Variants in GALNT7 observed in about 807,000 individuals in gnomAD.
The protein encoded by GALNT7 is N-acetylgalactosaminyltransferase 7.
GALNT7 carries 60 observed loss-of-function variants against 82.1 expected under a neutral mutation model. The observed-to-expected ratio is 0.73, with a 90% CI of 0.59 to 0.91. The LOEUF is 0.91. GALNT7 is among the 40% of genes least tolerant of loss of function. The pLI is 0.00. For synonymous variants in GALNT7, 243 were observed against 275.1 expected, an observed-to-expected ratio of 0.88 and a Z score of 1.15; for missense variants, 660 against 804.2, an observed-to-expected ratio of 0.82 and a Z score of 2.17.
chr4:173,194,361 G>A (rs1275437864), intron 1 of GALNT7, among the ~76,000 whole-genome samples: 1 of 152,174 alleles, frequency 6.6e-6, no homozygotes, highest in African/African-American at 2.4e-5. Context: ...ATTCTGTCTT[G>A]TTGCCCTAGG....
At chr4:173,243,647 C>T (rs954147834) in intron 1 of GALNT7, among the ~76,000 whole-genome samples, 2 of 152,130 alleles carry the variant, frequency 1.3e-5, no homozygotes, top group African/African-American at 4.8e-5. Flanking sequence ...TCTTAGTTGA[C>T]TTGGGGTTAG....
rs1025957548 is a variant in GALNT7, at chr4:173,323,138, A to C, written c.*1421A>C. 1.3e-5 allele frequency: 2 copies of C among 152,584 alleles called. No individual in the cohort carries two copies. The highest frequency in any genetic ancestry group is 4.8e-5 in the African/African-American group (2 of 41,538). The allele number at this position is 152,584 out of a possible 1,614,324, so 9.5% of individuals were successfully genotyped here. ...CTACATTGAGTGCTTAAAAAAAAAA[A>C]AACAACTGTGATGATGTGAGCAGAA... On this transcript the variant is annotated 3_prime_UTR_variant, in exon 12 of 12. Transcript: ENST00000265000.
chr4:173,169,078 G>A lies in GALNT7; in HGVS notation c.126+117G>A. 4 of 948,438 alleles carry A rather than the reference G, an allele frequency of 4.2e-6. No homozygotes were observed. The South Asian group carries it at 5.9e-5, about 14-fold the overall frequency. The allele number at this position is 948,438 out of a possible 1,614,324, so 58.8% of individuals were successfully genotyped here. On this transcript the variant is annotated intron_variant, in intron 1 of 11. Transcript: ENST00000265000. ...GGCACGGCGTGGGCACCGCAGCTCC[G>A]CAGGTGGTGCTGGCGCAGCGCGGGC...
intron 1 of GALNT7, among the ~76,000 whole-genome samples, chr4:173,173,816 A>T (rs1731954456): frequency 6.6e-6 from 1 of 152,200 alleles, no homozygotes; most frequent in Admixed American, 6.5e-5. Flanking sequence ...TAATTCAGGA[A>T]CTAGTAGGCC....
chr4:173,244,658 C>A (rs1457783007), intron 1 of GALNT7, among the ~76,000 whole-genome samples: 2 of 152,168 alleles, frequency 1.3e-5, no homozygotes, highest in Non-Finnish European at 2.9e-5. Flanking sequence ...ACTTAGGACA[C>A]AGTGTTTACC....
At chr4:173,296,557 C>G (rs976863758) in intron 5 of GALNT7, among the ~76,000 whole-genome samples, 2 of 152,164 alleles carry the variant, frequency 1.3e-5, no homozygotes, top group African/African-American at 4.8e-5. Context: ...CTGATTTAAT[C>G]CTCACAGCAA....
At chr4:173,210,151 AAAAG>A (rs1733229373) in intron 1 of GALNT7, among the ~76,000 whole-genome samples, 2 of 152,140 alleles carry the variant, frequency 1.3e-5, no homozygotes, top group Admixed American at 1.3e-4. Context: ...GAAAAAAAAA[AAAAG>A]AAATACTTAT....
chr4:173,310,414 A>G (rs1737337224), intron 8 of GALNT7, among the ~76,000 whole-genome samples: 1 of 152,060 alleles, frequency 6.6e-6, no homozygotes, highest in Admixed American at 6.5e-5. Flanking sequence ...AATCTCTCCC[A>G]TGAATAGTAA....
At chr4:173,207,136 A>G (rs951338562) in intron 1 of GALNT7, among the ~76,000 whole-genome samples, 2 of 152,066 alleles carry the variant, frequency 1.3e-5, no homozygotes, top group African/African-American at 2.4e-5. Context: ...CTTGTTTTTC[A>G]TAGCTGTCTA....
chr4:173,247,909 T>C (rs1280179911), intron 1 of GALNT7, 71 bp from the exon 2 acceptor site: 2 of 946,420 alleles, frequency 2.1e-6, no homozygotes, highest in African/African-American at 1.7e-5. Flanking sequence ...AACCTGAAAA[T>C]TGGTCTCATG....
In GALNT7 at chr4:173,320,939, G is replaced by T. The variant is rs187852693; in HGVS notation, c.1837-641G>T. On this transcript the variant is annotated intron_variant, in intron 11 of 11. Transcript: ENST00000265000. This position sits in a 1 kb window ranked among gnomAD's most constrained non-coding sequence, Gnocchi z 4.1. Reference sequence around the variant, plus strand: ...TAGGTACTAGCATAGTTTGATTCATGCTAAGGCACCATCAGTTTTACTCAC... The same window carrying T: ...TAGGTACTAGCATAGTTTGATTCATTCTAAGGCACCATCAGTTTTACTCAC... Among the ~76,000 whole-genome samples, 1 of 152,154 alleles carries T rather than the reference G, an allele frequency of 6.6e-6. No individual in the cohort carries two copies. The highest frequency in any genetic ancestry group is 1.5e-5 in the Non-Finnish European group (1 of 68,018).
intron 1 of GALNT7, among the ~76,000 whole-genome samples, chr4:173,210,593 A>G (rs1377750528): frequency 1.3e-5 from 2 of 151,998 alleles, no homozygotes; most frequent in East Asian, 3.9e-4. Context: ...AGCTGGGACT[A>G]CAGGCTAAAT....
intron 8 of GALNT7, among the ~76,000 whole-genome samples, chr4:173,310,584 T>C (rs1737346041): frequency 6.6e-6 from 1 of 152,208 alleles, no homozygotes; most frequent in Non-Finnish European, 1.5e-5. Context: ...AAAGTTCTTT[T>C]AAAAATAATA....
At chr4:173,200,585 T>C (rs1219675617) in intron 1 of GALNT7, among the ~76,000 whole-genome samples, 1 of 152,228 alleles carries the variant, frequency 6.6e-6, no homozygotes, top group Non-Finnish European at 1.5e-5. Flanking sequence ...ATTATTCTAG[T>C]TATTTGAATG....
chr4:173,317,428 AAG>A, intron 9 of GALNT7: 1 of 481,696 alleles, frequency 2.1e-6, no homozygotes, highest in Admixed American at 3.7e-5. Context: ...CTCTTAGAGA[AAG>A]AACCCATTCC....
chr4:173,247,859 G>A (rs1734699145), intron 1 of GALNT7, 121 bp from the exon 2 acceptor site: 1 of 615,924 alleles, frequency 1.6e-6, no homozygotes, highest in African/African-American at 1.8e-5. Flanking sequence ...TGGCCCGCTT[G>A]TATTCCAAAC....
chr4:173,307,293 G>A (rs1252675460), intron 8 of GALNT7, among the ~76,000 whole-genome samples: 1 of 152,200 alleles, frequency 6.6e-6, no homozygotes, highest in Non-Finnish European at 1.5e-5. Flanking sequence ...GAGAGACTAT[G>A]GCTACAGGAT....
intron 1 of GALNT7, among the ~76,000 whole-genome samples, chr4:173,183,783 G>GC (rs1175076893): frequency 2.0e-5 from 3 of 146,566 alleles, no homozygotes; most frequent in East Asian, 2.1e-4. Context: ...GGCAGGGACT[G>GC]CCCCCCACCT....
At chr4:173,228,724 T>C (rs1353239310) in intron 1 of GALNT7, among the ~76,000 whole-genome samples, 1 of 152,308 alleles carries the variant, frequency 6.6e-6, no homozygotes. Flanking sequence ...TTACTTTTTT[T>C]CCCCGCCTAG....
Sources: gnomAD v4.1 joint callset for allele counts (sites outside exome capture counted in the v4.1 genomes callset) on GRCh38, gnomAD v4.1.1 for gene constraint, Gnocchi (gnomAD v3.1) non-coding constraint, MANE v1.5 for transcripts, NCBI Gene and HGNC (gene_info 2026-07-23, HGNC 2026-07-21) for gene names.